Variants in ZFAND2A observed in about 807,000 individuals in gnomAD.
The protein encoded by ZFAND2A is AN1-type zinc finger protein 2A.
ZFAND2A carries 20 observed loss-of-function variants against 11.6 expected under a neutral mutation model. The ratio of observed to expected loss-of-function variants is 1.72; its 90% CI spans 1.21 to 2.50. ZFAND2A has a LOEUF of 2.50. ZFAND2A is among the 30% of genes most tolerant of loss of function. The probability of loss-of-function intolerance (pLI) is 0.00; values close to 1 mark genes in which losing one functional copy is unlikely to be tolerated. For synonymous variants in ZFAND2A, 93 were observed against 60.6 expected (o/e 1.54, Z -2.48); for missense variants, 234 against 182.9 (o/e 1.28, Z -1.61).
chr7:1,158,684 C>A (rs963241116), intron 1 of ZFAND2A, among the ~76,000 whole-genome samples: 6 of 145,572 alleles, frequency 4.1e-5, no homozygotes, highest in Non-Finnish European at 9.3e-5. Context: ...CTGTCCCTCG[C>A]CTCTCTCTTC....
downstream of ZFAND2A, among the ~76,000 whole-genome samples, chr7:1,149,731 G>C (rs1041092329): frequency 1.3e-5 from 2 of 152,214 alleles, no homozygotes; most frequent in Non-Finnish European, 1.5e-5. Flanking sequence ...GAATGCTGTA[G>C]GCCACTGCGG....
Position 1,158,237 on chromosome 7 carries a change from G to C in ZFAND2A, c.-25C>G. 3 of 1,612,488 alleles carry C rather than the reference G, an allele frequency of 1.9e-6. No individual in the cohort carries two copies. Among genetic ancestry groups the C allele is most frequent in the African/African-American group, 1.3e-5 (1 of 75,020 alleles). On this transcript the variant is annotated 5_prime_UTR_variant, in exon 2 of 5. It adds an upstream start codon to the 5' untranslated region. Transcript: ENST00000316495. ...TTATGAGAACAGTGCTCAAAACGCA[G>C]ATGGCGGAGTTAAGTGTCACCTACA... is the stretch of plus-strand genomic sequence containing the variant.
chr7:1,153,395 C>T (rs1036278549), intron 4 of ZFAND2A, among the ~76,000 whole-genome samples, 171 bp from the exon 5 acceptor site: 3 of 152,070 alleles, frequency 2.0e-5, no homozygotes, highest in Non-Finnish European at 2.9e-5. Context: ...AGGCACACAC[C>T]GCCACGTCCA....
At chr7:1,151,289 G>A (rs1309057453), downstream of ZFAND2A, among the ~76,000 whole-genome samples, 2 of 152,294 alleles carry the variant, frequency 1.3e-5, no homozygotes, top group Non-Finnish European at 1.5e-5. Context: ...GGTCAGGAAC[G>A]GGCACGCAGC....
At chr7:1,150,360 G>T (rs1209944681), downstream of ZFAND2A, among the ~76,000 whole-genome samples, 1 of 151,884 alleles carries the variant, frequency 6.6e-6, no homozygotes, top group East Asian at 1.9e-4. Flanking sequence ...TTTGTGAACT[G>T]TCTCAGCGGG....
chr7:1,151,493 G>A (rs928825547), downstream of ZFAND2A, among the ~76,000 whole-genome samples: 6 of 151,064 alleles, frequency 4.0e-5, no homozygotes, highest in Middle Eastern at 3.2e-3. Context: ...CACCCACCTT[G>A]CCCTCCCAAA....
chr7:1,152,774 G>T, downstream of ZFAND2A: 1 of 525,964 alleles, frequency 1.9e-6, no homozygotes, highest in African/African-American at 1.9e-5. Flanking sequence ...CCCTCAGAAG[G>T]GGCTGGCCCT....
At chr7:1,151,762 T>TAAAAAAAAAAAAAAAA (rs530920394), downstream of ZFAND2A, among the ~76,000 whole-genome samples, 18 of 87,154 alleles carry the variant, frequency 2.1e-4, no homozygotes, top group East Asian at 4.9e-4. Flanking sequence ...TCATCCCTTT[T>TAAAAAAAAAAAAAAAA]AAAAAAAAAA....
At chr7:1,151,762 T>TAAAAAAAAAAA (rs530920394), downstream of ZFAND2A, among the ~76,000 whole-genome samples, 257 of 87,170 alleles carry the variant, frequency 2.9e-3, 10 homozygotes, top group Non-Finnish European at 4.9e-3. Flanking sequence ...TCATCCCTTT[T>TAAAAAAAAAAA]AAAAAAAAAA....
Position 1,155,391 on chromosome 7 carries a change from A to T in ZFAND2A, c.282+62T>A, listed in dbSNP as rs1046751087. The T allele has an allele frequency of 2.5e-6, 4 of 1,586,372 alleles. No individual in the cohort carries two copies. The African/African-American group carries it at 5.4e-5, about 22-fold the overall frequency. ...GGAGTAATTTTCAGGTAGCAAACTG[A>T]CTCTTCCCAAGGAAAAACCAGGCTT... On this transcript the variant is annotated intron_variant, in intron 4 of 4. Transcript: ENST00000316495.
In ZFAND2A at chr7:1,159,976, G is replaced by A. The variant is rs1057416446; in HGVS notation, c.-58C>T. On this transcript the variant is annotated 5_prime_UTR_variant, in exon 1 of 5. It introduces an in-frame stop codon into an upstream open reading frame of the 5' UTR. Transcript: ENST00000316495. ...CCCGGCCCCGTACCTGGCTCTCGTC[G>A]GGGACCCAGGCAGCTGAGGTGAGCA... 3.7e-5 allele frequency: 6 copies of A among 160,070 alleles called. No individual in the cohort carries two copies. The highest frequency in any genetic ancestry group is 8.3e-5 in the Non-Finnish European group (6 of 72,064). The allele number at this position is 160,070 out of a possible 1,614,324, so 9.9% of individuals were successfully genotyped here. A position where few individuals can be genotyped will look rare whatever the true frequency, so the allele number is the denominator to read the frequency against.
chr7:1,152,698 G>A (rs1793422785), downstream of ZFAND2A, among the ~76,000 whole-genome samples: 1 of 152,114 alleles, frequency 6.6e-6, no homozygotes, highest in Non-Finnish European at 1.5e-5. Flanking sequence ...AGATGAAGGT[G>A]GAGACGGGGG....
At chr7:1,158,635 T>G (rs571250539) in intron 1 of ZFAND2A, among the ~76,000 whole-genome samples, 1 of 150,052 alleles carries the variant, frequency 6.7e-6, no homozygotes, top group African/African-American at 2.5e-5. Flanking sequence ...AGGTGCTAAA[T>G]CACATCAGTT....
downstream of ZFAND2A, chr7:1,151,948 A>T (rs1432533343): frequency 1.5e-5 from 4 of 268,934 alleles, no homozygotes; most frequent in Middle Eastern, 1.0e-3. Context: ...AAGAACAAAG[A>T]ACAGCTCTTT....
In ZFAND2A at chr7:1,153,185, T is replaced by C. The variant is rs575507700; in HGVS notation, c.322A>G (p.Lys108Glu). ...YRCSKEGCKKKEMLQMVCAQC... is the reference protein window; with the variant it reads ...YRCSKEGCKKEEMLQMVCAQC... ...GCACATACCATCTGCAGCATCTCTT[T>C]CTTCTTGCAGCCCTCTTTTGAGCAA... is the stretch of plus-strand genomic sequence containing the variant. Residue 108 changes from lysine to glutamate, a missense_variant, in exon 5 of 5, where the codon AAA becomes GAA. Coordinates refer to ENST00000316495, the MANE Select transcript of ZFAND2A (RefSeq NM_182491.4). 3.1e-6 allele frequency: 5 copies of C among 1,614,104 alleles called. No homozygotes were observed. The South Asian group carries it at 3.3e-5, about 11-fold the overall frequency.
rs539402647 is a variant in ZFAND2A at position 1,155,650 on chromosome 7, C to T, written c.151-66G>A. ...AACTTAAACTCACAGAAGTTTTAAA[C>T]GAGTACTCCTGTGCGGCACACTTAA... On this transcript the variant is annotated intron_variant, in intron 3 of 4. Coordinates refer to ENST00000316495, the MANE Select transcript of ZFAND2A (RefSeq NM_182491.4). 1,611 of 1,579,530 alleles carry T rather than the reference C, an allele frequency of 1.0e-3. 12 individuals are homozygous for T. In the African/African-American group the frequency reaches 0.018, roughly 18 times the overall value.
chr7:1,152,274 C>A (rs774215667), downstream of ZFAND2A: 1 of 1,581,330 alleles, frequency 6.3e-7, no homozygotes, highest in Non-Finnish European at 8.6e-7. Context: ...AGTCGCTGGG[C>A]CAGCCCGCCA....
downstream of ZFAND2A, chr7:1,152,097 G>A (rs947236786): frequency 1.8e-5 from 18 of 1,007,916 alleles, no homozygotes; most frequent in African/African-American, 1.3e-4. Flanking sequence ...TGTAACTTGG[G>A]GTCCCAGTCC....
chr7:1,153,074 C>T lies in ZFAND2A; in HGVS notation c.433G>A (p.Gly145Arg). The T allele has an allele frequency of 6.2e-7, 1 of 1,614,180 alleles. No homozygotes were observed. Among genetic ancestry groups the T allele is most frequent in the East Asian group, 2.2e-5 (1 of 44,884 alleles). The change falls in exon 5 of 5, where the codon GGG becomes AGG. Residue 145 changes from glycine (G) to arginine (R), a missense_variant. Physicochemically the swap from Gly to Arg is moderately radical, Grantham distance 125 (BLOSUM62 -2). Coordinates refer to ENST00000316495, the MANE Select transcript of ZFAND2A (RefSeq NM_182491.4). ...CATCGCAGCGGAGTCTCTTCTCACC[C>T]AGCTTTGATGGTGGGGCGACTCCCG... ...RHGSRPTIKA[G>R]
Sources: allele counts gnomAD v4.1 joint callset (sites outside exome capture counted in the v4.1 genomes callset), GRCh38; gene constraint gnomAD v4.1.1; transcripts MANE v1.5; gene names NCBI Gene and HGNC (gene_info 2026-07-23, HGNC 2026-07-21).